Variants in EEF2 observed in about 807,000 individuals in gnomAD.
The protein encoded by EEF2 is eukaryotic translation elongation factor 2.
Under a neutral mutation model 85.3 loss-of-function variants are expected in EEF2, and 21 were observed. The observed-to-expected ratio is 0.25, with a 90% CI of 0.17 to 0.35. The LOEUF (loss-of-function observed/expected upper bound fraction) is 0.35. Among genes scored for constraint, EEF2 ranks in the 10% least tolerant of loss-of-function variants. The pLI is 1.00. For missense variants in EEF2, 825 were observed against 1,225.3 expected (o/e 0.67, Z 4.88); for synonymous variants, 723 against 508.8 (o/e 1.42, Z -5.67).
At position 3,982,814 on chromosome 19, in the gene EEF2, T is replaced by C. The variant is rs2039772246; in HGVS notation, c.605A>G (p.Asn202Ser). The C allele has an allele frequency of 3.7e-6, 6 of 1,610,772 alleles. No individual in the cohort carries two copies. The highest frequency in any genetic ancestry group is 5.1e-6 in the Non-Finnish European group (6 of 1,179,116). The change falls in exon 4 of 15, where the codon AAC (asparagine) becomes AGC (serine). Residue 202 changes from asparagine to serine, a missense_variant. By Grantham distance (46) the Asn-to-Ser change is conservative. Transcript: ENST00000309311. ...AGCTAGGGAGGGCCGTACCATGATG[T>C]TGCCCATGGGGCCGCTCTCGCCCTC... ...YGEGESGPMG[N>S]IMIDPVLGTV...
intron 9 of EEF2, 136 bp downstream of exon 9, chr19:3,980,378 T>C (rs1417330061): frequency 2.5e-6 from 3 of 1,176,574 alleles, no homozygotes; most frequent in Admixed American, 2.8e-5. Flanking sequence ...AGAACAAAAG[T>C]TGTGGCTGGC....
Position 3,977,626 on chromosome 19 carries a change from A to C in EEF2, c.2068-16T>G. The C allele has an allele frequency of 6.7e-7, 1 of 1,503,278 alleles. No homozygotes were observed. Among genetic ancestry groups the C allele is most frequent in the Non-Finnish European group, 8.8e-7 (1 of 1,130,298 alleles). 93.1% of individuals were successfully genotyped at this position (1,503,278 alleles called of 1,614,324 possible). A position where few individuals can be genotyped will look rare whatever the true frequency, so the allele number is the denominator to read the frequency against. On this transcript the variant is annotated splice_polypyrimidine_tract_variant and intron_variant, in intron 12 of 14. Coordinates refer to ENST00000309311, the MANE Select transcript of EEF2 (RefSeq NM_001961.4). This position sits in a 1 kb window ranked among gnomAD's most constrained non-coding sequence, Gnocchi z 5.4. The stretch of plus-strand genomic sequence containing the variant: ...ACAGTGCGCCCTGGGGGAGGGGGAG[A>C]GCCACCGTCAAGGGCCGGACACACC...
chr19:3,983,083 C>T (rs764550285), intron 3 of EEF2, 27 bp downstream of exon 3: 61 of 1,611,844 alleles, frequency 3.8e-5, no homozygotes, highest in Middle Eastern at 3.3e-4. Flanking sequence ...GGTTCCAGGC[C>T]GTGCCTCAGG....
rs754768486 is a variant in EEF2, at chr19:3,980,526, T to C, written c.1334A>G (p.Lys445Arg). ...CCCAGCTGCTCACCTCTGGATTGGC[T>C]TCAGGTAGAGGTCCTCCTTCTTCCC... ...TPGKKEDLYLKPIQRTILMMG... is the reference protein window; with the variant it reads ...TPGKKEDLYLRPIQRTILMMG... Residue 445 changes from lysine to arginine, a missense_variant, in exon 9 of 15, where the codon AAG becomes AGG. Coordinates refer to ENST00000309311, the MANE Select transcript of EEF2 (RefSeq NM_001961.4). 1 of 1,613,480 alleles carries C rather than the reference T, an allele frequency of 6.2e-7. No individual in the cohort carries two copies.
intron 6 of EEF2, 98 bp from the exon 7 acceptor site, chr19:3,981,550 G>T (rs1158328507): frequency 5.6e-5 from 64 of 1,141,094 alleles, no homozygotes; most frequent in South Asian, 5.1e-4. Context: ...AGCGCAGGGG[G>T]ACGCAGCACG....
chr19:3,983,981 G>C, intron 2 of EEF2, 155 bp downstream of exon 2: 2 of 777,664 alleles, frequency 2.6e-6, no homozygotes, highest in South Asian at 3.5e-5. Context: ...TCTCCATCCT[G>C]TCTCGCTGGA....
chr19:3,981,368 T>C lies in EEF2; in HGVS notation c.982A>G (p.Lys328Glu), dbSNP rs776210947. Residue 328 changes from lysine (K) to glutamate (E), a missense_variant, in exon 7 of 15, where the codon AAG (lysine) becomes GAG (glutamate). Physicochemically the swap from Lys to Glu is moderately conservative, Grantham distance 56. Coordinates refer to ENST00000309311, the MANE Select transcript of EEF2 (RefSeq NM_001961.4). ...AGCAGGGGTTTGCCTTCTTTGTCCT[T>C]GTCCTCGCTGTCCAGTTTGATGTCC... ...KLDIKLDSED[K>E]DKEGKPLLKA... is the part of the protein sequence containing the mutation. 4 of 1,614,224 alleles carry C rather than the reference T, an allele frequency of 2.5e-6. No individual in the cohort carries two copies. Among genetic ancestry groups the C allele is most frequent in the South Asian group, 1.1e-5 (1 of 91,084 alleles).
rs1004391155 is a variant in EEF2, at chr19:3,976,406, T to C, written c.*148A>G. 5 of 821,422 alleles carry C rather than the reference T, an allele frequency of 6.1e-6. No individual in the cohort carries two copies. In the African/African-American group the frequency reaches 7.0e-5, roughly 11 times the overall value. 50.9% of individuals were successfully genotyped at this position (821,422 alleles called of 1,614,324 possible). A position where few individuals can be genotyped will look rare whatever the true frequency, so the allele number is the denominator to read the frequency against. On this transcript the variant is annotated 3_prime_UTR_variant, in exon 15 of 15. Coordinates refer to ENST00000309311, the MANE Select transcript of EEF2 (RefSeq NM_001961.4). ...AAGAAACGGCATCAAGTGTTATGGT[T>C]GAGTGATGGCACGCAGCGGGCCCCA...
In EEF2 at chr19:3,978,082, G is replaced by A; in HGVS notation, c.1804C>T (p.Leu602=). Residue 602 remains leucine (L), a synonymous_variant, in exon 12 of 15, where the codon CTG becomes TTG. Coordinates refer to ENST00000309311, the MANE Select transcript of EEF2 (RefSeq NM_001961.4). The part of the protein sequence containing the change: ...LSKSPNKHNR[L]YMKARPFPDG... ...GGGAAGGGCCGCGCCTTCATGTACA[G>A]CCGGTTGTGCTTGTTGGGGGACTTG... is the stretch of plus-strand genomic sequence containing the variant. The A allele has an allele frequency of 1.3e-6, 2 of 1,550,586 alleles. No individual in the cohort carries two copies. The highest frequency in any genetic ancestry group is 1.8e-6 in the Non-Finnish European group (2 of 1,141,598).
rs866096212 is a variant in EEF2, at chr19:3,980,978, G to C, written c.1013C>G (p.Ala338Gly). Reference sequence around the variant, plus strand: ...GGCAGGCAGCCAGCGGCGCATCACAGCCTGCGGGGGCAGAGAGCGGTGCAT... The same window carrying C: ...GGCAGGCAGCCAGCGGCGCATCACACCCTGCGGGGGCAGAGAGCGGTGCAT... Reference protein sequence around the residue: ...KDKEGKPLLKAVMRRWLPAGD... With the variant: ...KDKEGKPLLKGVMRRWLPAGD... The change falls in exon 8 of 15, where the codon GCT (alanine) becomes GGT (glycine). Residue 338 changes from alanine (A) to glycine (G), a missense_variant and splice_region_variant. Physicochemically the swap from Ala to Gly is moderately conservative, Grantham distance 60. Coordinates refer to ENST00000309311, the MANE Select transcript of EEF2 (RefSeq NM_001961.4). The C allele has an allele frequency of 3.8e-6, 6 of 1,569,742 alleles. No homozygotes were observed. Among genetic ancestry groups the C allele is most frequent in the Non-Finnish European group, 5.2e-6 (6 of 1,159,140 alleles).
At chr19:3,984,450 AGGGGGTTGGTGCTGGGG>A (rs1054278637) in intron 1 of EEF2, 100 bp from the exon 2 acceptor site, 2 of 1,347,590 alleles carry the variant, frequency 1.5e-6, no homozygotes, top group Non-Finnish European at 2.1e-6. Context: ...CAAGGCCAGG[AGGGGGTTGGTGCTGGGG>A]TGCCCCAAGC....
In EEF2 at chr19:3,977,746, G is replaced by A. The variant is rs937843137; in HGVS notation, c.2067+73C>T. 3.3e-5 allele frequency: 49 copies of A among 1,495,364 alleles called. No individual in the cohort carries two copies. The highest frequency in any genetic ancestry group is 1.9e-4 in the Middle Eastern group (1 of 5,232). The allele number at this position is 1,495,364 out of a possible 1,614,324, so 92.6% of individuals were successfully genotyped here. On this transcript the variant is annotated intron_variant, in intron 12 of 14. Transcript: ENST00000309311. The surrounding 1 kb of genome is among the most constrained non-coding windows in gnomAD (Gnocchi z 5.4). ...TTGGCCCCATTAGGGTCTCTGTCTC[G>A]GGAGGCAGGACCATGAGGTCCCTCT...
At chr19:3,983,074 G>C in intron 3 of EEF2, 36 bp downstream of exon 3, 1 of 1,611,822 alleles carries the variant, frequency 6.2e-7, no homozygotes, top group Non-Finnish European at 8.5e-7. Flanking sequence ...ATGGCCCCCG[G>C]TTCCAGGCCG....
chr19:3,980,761 T>C, intron 8 of EEF2, 52 bp from the exon 9 acceptor site: 1 of 1,600,024 alleles, frequency 6.2e-7, no homozygotes, highest in Non-Finnish European at 8.5e-7. Context: ...CTCAGCCTTC[T>C]GGAACCCTGC....
At chr19:3,978,886 CCGAGGCAGGGGGAT>C (rs2039709807) in intron 11 of EEF2, among the ~76,000 whole-genome samples, 1 of 146,176 alleles carries the variant, frequency 6.8e-6, no homozygotes, top group Admixed American at 7.1e-5. Context: ...CTTTGGGAGG[CCGAGGCAGGGGGAT>C]CACGAGGTCA....
intron 6 of EEF2, among the ~76,000 whole-genome samples, chr19:3,981,674 G>C (rs1181802984): frequency 6.6e-6 from 1 of 152,232 alleles, no homozygotes; most frequent in South Asian, 2.1e-4. Flanking sequence ...ACTCAGACAA[G>C]GACCCAAGTT....
At chr19:3,979,593 G>C in intron 10 of EEF2, 157 bp from the exon 11 acceptor site, 1 of 923,556 alleles carries the variant, frequency 1.1e-6, no homozygotes, top group East Asian at 2.5e-5. Flanking sequence ...GAAATGTTAA[G>C]TCCCACAAGC....
Position 3,982,039 on chromosome 19 carries a change from C to A in EEF2, c.805G>T (p.Ala269Ser). ...KLWGDRYFDP[A>S]NGKFSKSATS... The stretch of plus-strand genomic sequence containing the variant: ...GCTGACTTGCTGAACTTGCCGTTGG[C>A]TGGGTCAAAGTACCTGGCAAGGAGA... The change falls in exon 6 of 15, where the codon GCC becomes TCC. Residue 269 changes from alanine (A) to serine (S), a missense_variant. Ala to Ser is a moderately conservative substitution (Grantham distance 99). Coordinates refer to ENST00000309311, the MANE Select transcript of EEF2 (RefSeq NM_001961.4). 1 of 1,614,146 alleles carries A rather than the reference C, an allele frequency of 6.2e-7. No homozygotes were observed. Among genetic ancestry groups the A allele is most frequent in the East Asian group, 2.2e-5 (1 of 44,882 alleles).
Position 3,977,350 on chromosome 19 carries a change from G to A in EEF2, c.2251-3C>T. On this transcript the variant is annotated splice_region_variant and splice_polypyrimidine_tract_variant and intron_variant, in intron 13 of 14. Transcript: ENST00000309311. This position sits in a 1 kb window ranked among gnomAD's most constrained non-coding sequence, Gnocchi z 5.4. ...CCACCGACCACCTGCTCTGGACACT[G>A]CCAGAAGGGAAAGAAAACCTGTCAG... is the stretch of plus-strand genomic sequence containing the variant. 3 of 1,590,886 alleles carry A rather than the reference G, an allele frequency of 1.9e-6. No individual in the cohort carries two copies. Among genetic ancestry groups the A allele is most frequent in the South Asian group, 1.1e-5 (1 of 88,284 alleles).
Sources: gnomAD v4.1 joint callset for allele counts (sites outside exome capture counted in the v4.1 genomes callset) on GRCh38, gnomAD v4.1.1 for gene constraint, Gnocchi (gnomAD v3.1) non-coding constraint, MANE v1.5 for transcripts, NCBI Gene and HGNC (gene_info 2026-07-23, HGNC 2026-07-21) for gene names.